Variants in ASTN2 observed in about 807,000 individuals in gnomAD.
ASTN2 encodes the protein astrotactin 2.
In ASTN2, 54 loss-of-function variants were observed where a neutral mutation model predicts 139.8. That is an observed-to-expected ratio of 0.39 (90% CI 0.31 to 0.48). The LOEUF is 0.48. Ranked by LOEUF, ASTN2 falls within the 20% of genes least tolerant of loss-of-function variation. The pLI is 0.95. For missense variants in ASTN2, 1,565 were observed against 1,725.1 expected (o/e 0.91, Z 1.64); for synonymous variants, 756 against 719.5 (o/e 1.05, Z -0.81).
At chr9:116,517,480 C>T (rs1301334917) in intron 19 of ASTN2, among the ~76,000 whole-genome samples, 1 of 152,168 alleles carries the variant, frequency 6.6e-6, no homozygotes, top group African/African-American at 2.4e-5. Context: ...AGGGAGCACC[C>T]CATGGGACAA....
intron 19 of ASTN2, among the ~76,000 whole-genome samples, chr9:116,509,124 C>T (rs572561957): frequency 2.0e-5 from 3 of 152,264 alleles, no homozygotes; most frequent in Admixed American, 6.5e-5. Flanking sequence ...TCGTCATTTA[C>T]ATTAGGTATA....
chr9:117,332,981 G>A (rs1041835947), intron 1 of ASTN2, among the ~76,000 whole-genome samples: 4 of 152,206 alleles, frequency 2.6e-5, no homozygotes, highest in African/African-American at 9.6e-5. Flanking sequence ...AGTGGGTAGT[G>A]CTGGGGAGAT....
intron 7 of ASTN2, among the ~76,000 whole-genome samples, chr9:117,003,953 C>CGCGTGTGTGTGTGTGT (rs1218309835): frequency 4.1e-4 from 60 of 146,280 alleles, no homozygotes; most frequent in African/African-American, 1.4e-3. Context: ...CGCGCGCGCG[C>CGCGTGTGTGTGTGTGT]GTGTGTGTGT....
chr9:117,155,156 T>C lies in ASTN2; in HGVS notation c.1016-13678A>G, dbSNP rs140489769. On this transcript the variant is annotated intron_variant, in intron 3 of 22. Coordinates refer to ENST00000313400, the MANE Select transcript of ASTN2 (RefSeq NM_001365068.1). ...ATATGCATCCCAGAAATTGTTTCTA[T>C]CCCATGGTAGATAATCCTGAATTGT... is the stretch of plus-strand genomic sequence containing the variant. Among the ~76,000 whole-genome samples the C allele has an allele frequency of 1.6e-3, 249 of 152,154 alleles. 1 individual carries two copies. Among genetic ancestry groups the C allele is most frequent in the African/African-American group, 5.8e-3 (243 of 41,546 alleles).
At chr9:116,444,154 CACATAGTA>C (rs1847918316) in intron 20 of ASTN2, among the ~76,000 whole-genome samples, 2 of 152,094 alleles carry the variant, frequency 1.3e-5, no homozygotes, top group Non-Finnish European at 2.9e-5. Context: ...TGCCCAGAAC[CACATAGTA>C]ATTACTAGGA....
intron 13 of ASTN2, among the ~76,000 whole-genome samples, chr9:116,796,280 T>C (rs1830685746): frequency 6.6e-6 from 1 of 152,318 alleles, no homozygotes. Flanking sequence ...GCTGGCCTCT[T>C]AAATACAAAG....
intron 13 of ASTN2, among the ~76,000 whole-genome samples, chr9:116,768,910 T>A (rs1829884500): frequency 6.6e-6 from 1 of 152,234 alleles, no homozygotes; most frequent in South Asian, 2.1e-4. Context: ...TATTTTAAAA[T>A]CATCTATGCT....
chr9:117,231,509 T>A (rs12237890), intron 2 of ASTN2, among the ~76,000 whole-genome samples: 17,624 of 152,210 alleles, frequency 0.12, 1,529 homozygotes, highest in African/African-American at 0.23. Context: ...TCTGATATAA[T>A]TGTAAAAATA....
chr9:116,437,366 A>G lies in ASTN2; in HGVS notation c.3782+3243T>C, dbSNP rs752484077. On this transcript the variant is annotated intron_variant, in intron 22 of 22. Transcript: ENST00000313400. ...ATTCCTGCTGACATATCAGTGTGGGATGTTGGAGCAATCTCAGATATCCTC... is the reference window on the plus strand; with the variant it reads ...ATTCCTGCTGACATATCAGTGTGGGGTGTTGGAGCAATCTCAGATATCCTC... The G allele has an allele frequency of 4.7e-5, 22 of 471,138 alleles. 1 individual carries two copies. Among genetic ancestry groups the G allele is most frequent in the South Asian group, 3.4e-4 (22 of 64,568 alleles). The allele number at this position is 471,138 out of a possible 1,614,324, so 29.2% of individuals were successfully genotyped here. A position where few individuals can be genotyped will look rare whatever the true frequency, so the allele number is the denominator to read the frequency against.
At chr9:116,897,253 C>T (rs1388825804) in intron 10 of ASTN2, among the ~76,000 whole-genome samples, 1 of 152,200 alleles carries the variant, frequency 6.6e-6, no homozygotes, top group Non-Finnish European at 1.5e-5. Context: ...ACTGCAAGAT[C>T]AAGCTCTGTG....
chr9:117,293,667 C>A (rs887705285), intron 1 of ASTN2, among the ~76,000 whole-genome samples: 1 of 152,178 alleles, frequency 6.6e-6, no homozygotes, highest in Non-Finnish European at 1.5e-5. Flanking sequence ...TGATCTGCTG[C>A]CCCACTGACC....
intron 13 of ASTN2, among the ~76,000 whole-genome samples, chr9:116,799,175 T>C (rs899914705): frequency 8.5e-5 from 13 of 152,144 alleles, no homozygotes; most frequent in African/African-American, 2.9e-4. Context: ...AGAAAAATCA[T>C]AGGCCACAAC....
intron 10 of ASTN2, among the ~76,000 whole-genome samples, chr9:116,894,631 G>A (rs1031431344): frequency 1.3e-5 from 2 of 152,088 alleles, no homozygotes; most frequent in East Asian, 1.9e-4. Flanking sequence ...CTGGGACTAC[G>A]GGTGGGTGCC....
At chr9:116,696,131 T>G (rs1196911055) in intron 16 of ASTN2, among the ~76,000 whole-genome samples, 1 of 152,144 alleles carries the variant, frequency 6.6e-6, no homozygotes, top group Non-Finnish European at 1.5e-5. Flanking sequence ...TTCAAAACAT[T>G]CATCACCTCA....
At chr9:117,281,915 G>A (rs1157729342) in intron 2 of ASTN2, among the ~76,000 whole-genome samples, 3 of 152,008 alleles carry the variant, frequency 2.0e-5, no homozygotes, top group Non-Finnish European at 2.9e-5. Context: ...GGATCACCCC[G>A]ATTGCCCGCC....
intron 10 of ASTN2, among the ~76,000 whole-genome samples, chr9:116,866,703 T>C (rs118187370): frequency 1.3e-5 from 2 of 151,914 alleles, no homozygotes; most frequent in African/African-American, 4.8e-5. Flanking sequence ...ATGAGGACTA[T>C]CCTGGCTAAC....
intron 10 of ASTN2, among the ~76,000 whole-genome samples, chr9:116,933,438 G>A (rs1325758596): frequency 2.0e-5 from 3 of 152,098 alleles, no homozygotes; most frequent in Admixed American, 6.6e-5. Flanking sequence ...GTCCCTTCCC[G>A]CAGAGAAGTC....
chr9:116,805,617 G>A lies in ASTN2; in HGVS notation c.2396+15C>T. ...AGTGACTCAGACAAGCAATGTGCAAGTATCTACAGCATACCTAAAGGTCAT... is the reference window on the plus strand; with the variant it reads ...AGTGACTCAGACAAGCAATGTGCAAATATCTACAGCATACCTAAAGGTCAT... On this transcript the variant is annotated intron_variant, in intron 13 of 22. Transcript: ENST00000313400. The A allele has an allele frequency of 6.2e-7, 1 of 1,611,030 alleles. No individual in the cohort carries two copies. Among genetic ancestry groups the A allele is most frequent in the Non-Finnish European group, 8.5e-7 (1 of 1,177,946 alleles).
At position 117,326,150 on chromosome 9, in the gene ASTN2, CA is replaced by C. The variant is rs145187260; in HGVS notation, c.443-34638del. On this transcript the variant is annotated intron_variant, in intron 1 of 22. Transcript: ENST00000313400. ...TGTGTGAAAATTCTCATTTTTTTCT[CA>C]CTTTGGAAACTTCTCTGTTTTTTTT... Among the ~76,000 whole-genome samples the C allele has an allele frequency of 6.9e-3, 1,050 of 152,044 alleles. 11 individuals are homozygous for C. Among genetic ancestry groups the C allele is most frequent in the African/African-American group, 0.024 (1,010 of 41,498 alleles).
Sources: gnomAD v4.1 joint callset for allele counts (sites outside exome capture counted in the v4.1 genomes callset) on GRCh38, gnomAD v4.1.1 for gene constraint, MANE v1.5 for transcripts, NCBI Gene and HGNC (gene_info 2026-07-23, HGNC 2026-07-21) for gene names.